SRGAP3: variants seen among roughly 807,000 people sequenced by gnomAD.
The protein encoded by SRGAP3 is SLIT-ROBO Rho GTPase activating protein 3.
In SRGAP3, 39 loss-of-function variants were observed where a neutral mutation model predicts 121.1. The ratio of observed to expected loss-of-function variants is 0.32; its 90% CI spans 0.25 to 0.42. SRGAP3 has a LOEUF of 0.42. SRGAP3 is among the 10% of genes least tolerant of loss of function. The pLI, the probability that SRGAP3 is intolerant of heterozygous loss-of-function variation, is 1.00. For synonymous variants in SRGAP3, 601 were observed against 570.0 expected (o/e 1.05, Z -0.77); for missense variants, 1,213 against 1,470.6 (o/e 0.82, Z 2.86).
chr3:9,316,502 C>CA (rs1278492954), intron 3 of SRGAP3, among the ~76,000 whole-genome samples: 1 of 151,814 alleles, frequency 6.6e-6, no homozygotes, highest in Non-Finnish European at 1.5e-5. Flanking sequence ...ACTAAAAATA[C>CA]AAAAAAATTA....
rs1377634503 is a variant in SRGAP3, at chr3:9,044,336, C to A, written c.1408+3055G>T. 2.0e-5 allele frequency among the ~76,000 whole-genome samples: 3 copies of A among 152,186 alleles called. No individual in the cohort carries two copies. In the South Asian group the frequency reaches 6.2e-4, roughly 32 times the overall value. On this transcript the variant is annotated intron_variant, in intron 10 of 21. Transcript: ENST00000383836. ...TTCAATCTGATAACCAAGGCAGCTA[C>A]TAAGTGGCCAGTGGGCGGGTACCAT...
At chr3:9,145,252 T>C (rs1949986030) in intron 1 of SRGAP3, among the ~76,000 whole-genome samples, 1 of 152,160 alleles carries the variant, frequency 6.6e-6, no homozygotes, top group South Asian at 2.1e-4. Flanking sequence ...CATGCCACCA[T>C]GCCCAGCTAA....
chr3:9,105,167 T>C (rs1948375210), intron 2 of SRGAP3, among the ~76,000 whole-genome samples: 1 of 152,264 alleles, frequency 6.6e-6, no homozygotes, highest in Non-Finnish European at 1.5e-5. Context: ...ACCAATTGTT[T>C]TTTAAATATT....
intron 1 of SRGAP3, chr3:9,193,611 A>T (rs1252625938): frequency 6.6e-6 from 1 of 152,286 alleles, no homozygotes; most frequent in Non-Finnish European, 1.5e-5. Flanking sequence ...TCCCTGTGAC[A>T]CTGGGTTGGA....
At chr3:9,075,523 T>C (rs979173829) in intron 4 of SRGAP3, among the ~76,000 whole-genome samples, 1 of 152,176 alleles carries the variant, frequency 6.6e-6, no homozygotes, top group East Asian at 1.9e-4. Flanking sequence ...AATGAATAAA[T>C]GAATGAACAA....
intron 9 of SRGAP3, among the ~76,000 whole-genome samples, chr3:9,051,710 C>CTT (rs36044423): frequency 0.071 from 7,322 of 103,036 alleles, 621 homozygotes; most frequent in South Asian, 0.11. Flanking sequence ...TTGCTCAATT[C>CTT]TTTTTTTTTT....
At position 9,079,994 on chromosome 3, in the gene SRGAP3, CA is replaced by C. The variant is rs763331521; in HGVS notation, c.486+30del. The C allele has an allele frequency of 6.2e-6, 10 of 1,613,468 alleles. No individual in the cohort carries two copies. In the African/African-American group the frequency reaches 1.3e-4, roughly 22 times the overall value. On this transcript the variant is annotated intron_variant, in intron 4 of 21. Coordinates refer to ENST00000383836, the MANE Select transcript of SRGAP3 (RefSeq NM_014850.4). The stretch of plus-strand genomic sequence containing the variant: ...GGTGATGAAGACAGAGACCCAATCC[CA>C]AAACAGCAGTGAGCCTGGGCAGAAC...
At chr3:9,204,031 G>C (rs1295413097) in intron 1 of SRGAP3, among the ~76,000 whole-genome samples, 1 of 152,042 alleles carries the variant, frequency 6.6e-6, no homozygotes, top group Non-Finnish European at 1.5e-5. Flanking sequence ...GCTACAGTTT[G>C]ACACCCTAGG....
In SRGAP3 at chr3:8,985,810, G is replaced by A; in HGVS notation, c.3009C>T (p.Gly1003=). ...DTLEPLKNPP[G]PVSSEPASPL... Reference sequence around the variant, plus strand: ...GACTGGCGGGCTCCGAGCTGACGGGGCCTGGCGGGTTCTTCAGGGGCTCCA... The same window carrying A: ...GACTGGCGGGCTCCGAGCTGACGGGACCTGGCGGGTTCTTCAGGGGCTCCA... Residue 1003 remains glycine, a synonymous_variant, in exon 22 of 22, where the codon GGC becomes GGT. Coordinates refer to ENST00000383836, the MANE Select transcript of SRGAP3 (RefSeq NM_014850.4). This position sits in a 1 kb window ranked among gnomAD's most constrained non-coding sequence, Gnocchi z 5.1. The A allele has an allele frequency of 6.2e-7, 1 of 1,600,530 alleles. No homozygotes were observed. Among genetic ancestry groups the A allele is most frequent in the Non-Finnish European group, 8.5e-7 (1 of 1,179,892 alleles).
chr3:9,214,323 G>A (rs573937593), intron 1 of SRGAP3, among the ~76,000 whole-genome samples: 12 of 152,222 alleles, frequency 7.9e-5, no homozygotes, highest in African/African-American at 2.4e-4. Context: ...ACAGTCATAT[G>A]GGGCAGGTAG....
intron 14 of SRGAP3, among the ~76,000 whole-genome samples, chr3:9,018,565 A>T (rs937741341): frequency 3.9e-5 from 6 of 152,078 alleles, no homozygotes; most frequent in African/African-American, 1.4e-4. Flanking sequence ...GGGTGACATG[A>T]TATTTGTGGT....
At chr3:9,198,898 G>A (rs775749492) in intron 1 of SRGAP3, among the ~76,000 whole-genome samples, 3 of 152,316 alleles carry the variant, frequency 2.0e-5, no homozygotes, top group Non-Finnish European at 2.9e-5. Flanking sequence ...ACCCCAGCCT[G>A]TAGAAAGACA....
chr3:9,005,422 T>C (rs1943015641), intron 18 of SRGAP3, among the ~76,000 whole-genome samples: 1 of 152,218 alleles, frequency 6.6e-6, no homozygotes, highest in Non-Finnish European at 1.5e-5. Context: ...ATTCCACTCC[T>C]GGGTATATAC....
chr3:9,212,287 T>G (rs927966104), intron 1 of SRGAP3, among the ~76,000 whole-genome samples: 1 of 152,186 alleles, frequency 6.6e-6, no homozygotes, highest in Non-Finnish European at 1.5e-5. Context: ...GGTATATGTG[T>G]GCATAGTGGA....
chr3:9,208,952 G>A (rs948780385), intron 1 of SRGAP3, among the ~76,000 whole-genome samples: 15 of 152,322 alleles, frequency 9.8e-5, no homozygotes, highest in Non-Finnish European at 2.1e-4. Flanking sequence ...GGGCCAGAAG[G>A]CCCCAAAAAA....
chr3:9,309,175 C>T (rs1955203866), intron 3 of SRGAP3, among the ~76,000 whole-genome samples: 1 of 152,144 alleles, frequency 6.6e-6, no homozygotes, highest in Admixed American at 6.6e-5. Context: ...GGGTGAGACC[C>T]AGCCCTCCTA....
intron 3 of SRGAP3, among the ~76,000 whole-genome samples, chr3:9,297,728 T>G (rs1279526614): frequency 3.3e-5 from 5 of 151,880 alleles, no homozygotes; most frequent in Non-Finnish European, 7.4e-5. Flanking sequence ...AAACCCCATC[T>G]CTACTAAAAA....
chr3:9,070,088 T>C (rs1946630747), intron 4 of SRGAP3, among the ~76,000 whole-genome samples: 1 of 152,254 alleles, frequency 6.6e-6, no homozygotes, highest in Non-Finnish European at 1.5e-5. Flanking sequence ...TGCCTTTTGC[T>C]TTGCACACAT....
intron 3 of SRGAP3, among the ~76,000 whole-genome samples, chr3:9,085,065 T>C (rs1363363072): frequency 6.6e-6 from 1 of 152,230 alleles, no homozygotes; most frequent in African/African-American, 2.4e-5. Flanking sequence ...TGATCTTGTT[T>C]GTTTATTTGT....
Sources: gnomAD v4.1 joint callset for allele counts (sites outside exome capture counted in the v4.1 genomes callset) on GRCh38, gnomAD v4.1.1 for gene constraint, Gnocchi (gnomAD v3.1) non-coding constraint, MANE v1.5 for transcripts, NCBI Gene and HGNC (gene_info 2026-07-23, HGNC 2026-07-21) for gene names.